Variants in PDE8B observed in about 807,000 individuals in gnomAD.
PDE8B encodes phosphodiesterase 8B.
Under a neutral mutation model 101.3 loss-of-function variants are expected in PDE8B, and 26 were observed. The observed-to-expected ratio is 0.26, with a 90% CI of 0.19 to 0.36. PDE8B has a LOEUF of 0.36. PDE8B is among the 10% of genes least tolerant of loss of function. The pLI is 1.00. For synonymous variants in PDE8B, 424 were observed against 429.3 expected (o/e 0.99, Z 0.15); for missense variants, 810 against 1,163.1 (o/e 0.70, Z 4.42).
At chr5:77,129,041 C>A in the PDE8B span, among the ~76,000 whole-genome samples, 1 of 152,106 alleles carries the variant, frequency 6.6e-6, no homozygotes, top group African/African-American at 2.4e-5. Flanking sequence ...TGTCCAAATT[C>A]TTTCTGGATA....
chr5:77,186,464 C>G, the PDE8B span, among the ~76,000 whole-genome samples: 1 of 152,198 alleles, frequency 6.6e-6, no homozygotes, highest in Admixed American at 6.5e-5. Flanking sequence ...TTTAATGACC[C>G]TGGAATCAGG....
chr5:77,202,189 C>G, the PDE8B span, among the ~76,000 whole-genome samples: 2 of 152,222 alleles, frequency 1.3e-5, no homozygotes, highest in South Asian at 4.1e-4. Flanking sequence ...CCTATTATCC[C>G]ATTCCTGGGT....
At chr5:77,358,261 A>C (rs1248104897) in intron 10 of PDE8B, among the ~76,000 whole-genome samples, 1 of 152,196 alleles carries the variant, frequency 6.6e-6, no homozygotes. Flanking sequence ...AATTCCCAGT[A>C]CTTGGCTCTT....
intron 1 of PDE8B, among the ~76,000 whole-genome samples, chr5:77,299,253 T>C (rs893562196): frequency 2.0e-5 from 3 of 147,978 alleles, no homozygotes; most frequent in Non-Finnish European, 4.5e-5. Context: ...TTTGTTTGTT[T>C]GTTTGTTTGT....
chr5:77,273,983 C>T (rs6886144), intron 1 of PDE8B, among the ~76,000 whole-genome samples: 33,033 of 151,738 alleles, frequency 0.22, 4,556 homozygotes, highest in South Asian at 0.47. Flanking sequence ...CCACTATGCC[C>T]GGCTAATTTT....
chr5:77,302,857 G>C (rs1423357522), intron 1 of PDE8B, among the ~76,000 whole-genome samples: 2 of 152,124 alleles, frequency 1.3e-5, no homozygotes, highest in African/African-American at 4.8e-5. Context: ...ACCTTTACGT[G>C]AGATGATGTA....
intron 1 of PDE8B, among the ~76,000 whole-genome samples, chr5:77,230,600 A>G (rs1753374817): frequency 6.6e-6 from 1 of 152,038 alleles, no homozygotes; most frequent in Non-Finnish European, 1.5e-5. Flanking sequence ...CCGAGTATCT[A>G]GGATTACAGG....
At chr5:77,327,341 A>G (rs1450955863) in intron 3 of PDE8B, among the ~76,000 whole-genome samples, 1 of 152,106 alleles carries the variant, frequency 6.6e-6, no homozygotes, top group African/African-American at 2.4e-5. Flanking sequence ...GTTCCTTTGG[A>G]GAGATGAGAG....
intron 20 of PDE8B, 88 bp from the exon 21 acceptor site, chr5:77,425,679 T>C: frequency 1.4e-6 from 2 of 1,389,368 alleles, no homozygotes; most frequent in Non-Finnish European, 2.0e-6. Context: ...TAATGACCCA[T>C]TTTCACAGGG....
chr5:77,353,540 G>A (rs1186730090), intron 10 of PDE8B, 134 bp downstream of exon 10: 2 of 705,192 alleles, frequency 2.8e-6, no homozygotes, highest in South Asian at 1.5e-5. Context: ...CAGATTTATG[G>A]GAAAATTTGG....
intron 1 of PDE8B, among the ~76,000 whole-genome samples, chr5:77,252,438 T>C (rs949862109): frequency 6.6e-6 from 1 of 152,258 alleles, no homozygotes. Context: ...CTTACTACAT[T>C]GATAACTCTT....
the PDE8B span, among the ~76,000 whole-genome samples, chr5:77,099,910 CG>C: frequency 6.6e-6 from 1 of 152,156 alleles, no homozygotes; most frequent in Non-Finnish European, 1.5e-5. Flanking sequence ...ACGCCCGGCC[CG>C]GGGTGACCTT....
intron 1 of PDE8B, among the ~76,000 whole-genome samples, chr5:77,280,460 CA>C (rs1343213516): frequency 6.6e-6 from 1 of 152,222 alleles, no homozygotes; most frequent in Non-Finnish European, 1.5e-5. Context: ...AAAAGGCATT[CA>C]AAATGTAAGC....
At position 77,425,858 on chromosome 5, in the gene PDE8B, T is replaced by C. The variant is rs1436891685; in HGVS notation, c.2510T>C (p.Ile837Thr). 5.6e-6 allele frequency: 9 copies of C among 1,613,726 alleles called. No homozygotes were observed. Among genetic ancestry groups the C allele is most frequent in the East Asian group, 4.5e-5 (2 of 44,880 alleles). The change falls in exon 21 of 22, where the codon ATT becomes ACT. Residue 837 changes from isoleucine (I) to threonine (T), a missense_variant. Coordinates refer to ENST00000264917, the MANE Select transcript of PDE8B (RefSeq NM_003719.5). ...ATCCCCAAGTCTCAGATCTCTTTCA[T>C]TGACTACTTCATAACAGACATGTTT... ...CSIPKSQISFIDYFITDMFDA... is the reference protein window; with the variant it reads ...CSIPKSQISFTDYFITDMFDA...
Position 77,218,757 on chromosome 5 carries a change from C to G in PDE8B, c.339+7493C>G, listed in dbSNP as rs116015553. ...TTTTCACTGAACACAGTGCCTGACA[C>G]TTTGTAAGTGCTGTACAAATAGTAG... On this transcript the variant is annotated intron_variant, in intron 1 of 21. Transcript: ENST00000264917. 3.8e-3 allele frequency among the ~76,000 whole-genome samples: 577 copies of G among 152,260 alleles called. 2 individuals carry two copies. Among genetic ancestry groups the G allele is most frequent in the African/African-American group, 0.013 (547 of 41,552 alleles).
chr5:77,213,327 C>T (rs1318844588), intron 1 of PDE8B, among the ~76,000 whole-genome samples: 1 of 152,234 alleles, frequency 6.6e-6, no homozygotes, highest in African/African-American at 2.4e-5. Context: ...CTTAACACTA[C>T]TTTGCATTGT....
At chr5:77,334,736 A>G (rs11951639) in intron 5 of PDE8B, among the ~76,000 whole-genome samples, 41,065 of 152,146 alleles carry the variant, frequency 0.27, 6,593 homozygotes, top group African/African-American at 0.45. Flanking sequence ...ACTCATGACA[A>G]AGTCCAGAAG....
At chr5:77,257,624 A>G (rs919363235) in intron 1 of PDE8B, among the ~76,000 whole-genome samples, 6 of 152,224 alleles carry the variant, frequency 3.9e-5, no homozygotes, top group Non-Finnish European at 8.8e-5. Context: ...CAACATTTAT[A>G]GCCAGAGTTC....
the PDE8B span, among the ~76,000 whole-genome samples, chr5:77,137,011 A>G: frequency 6.6e-6 from 1 of 152,178 alleles, no homozygotes; most frequent in Non-Finnish European, 1.5e-5. Flanking sequence ...GAGTTCGTAC[A>G]GGACAAAATC....
Sources: allele counts gnomAD v4.1 joint callset (sites outside exome capture counted in the v4.1 genomes callset), GRCh38; gene constraint gnomAD v4.1.1; transcripts MANE v1.5; gene names NCBI Gene and HGNC (gene_info 2026-07-23, HGNC 2026-07-21).